Variants in GOLGA8S observed in about 807,000 individuals in gnomAD.
The protein encoded by GOLGA8S is golgin A8 family member S.
In GOLGA8S, 23 loss-of-function variants were observed where a neutral mutation model predicts 58.9. That is an observed-to-expected ratio of 0.39 (90% CI 0.28 to 0.55). GOLGA8S has a LOEUF of 0.55. GOLGA8S is among the 20% of genes least tolerant of loss of function. GOLGA8S has a pLI of 0.63. For missense variants in GOLGA8S, 266 were observed against 514.2 expected (o/e 0.52, Z 4.67); for synonymous variants, 84 against 195.7 (o/e 0.43, Z 4.76).
chr15:23,368,330 T>A (rs1339378120), downstream of GOLGA8S, among the ~76,000 whole-genome samples: 1 of 151,904 alleles, frequency 6.6e-6, no homozygotes, highest in Non-Finnish European at 1.5e-5. Flanking sequence ...AAGTGTTGTT[T>A]TTGCCTTAAA....
chr15:23,361,371 G>A (rs760243431), exon 12 of GOLGA8S: 3 of 1,125,372 alleles, frequency 2.7e-6, no homozygotes, highest in East Asian at 2.3e-5. Flanking sequence ...CAAAAGGAGA[G>A]GCTTCGGGAG....
chr15:23,358,027 G>T (rs1463562511), intron 4 of GOLGA8S, among the ~76,000 whole-genome samples: 1 of 150,606 alleles, frequency 6.6e-6, no homozygotes. Flanking sequence ...GTTAGCTCTC[G>T]AGTCTGAGAT....
downstream of GOLGA8S, among the ~76,000 whole-genome samples, chr15:23,368,096 T>C (rs1223412759): frequency 1.3e-5 from 2 of 151,976 alleles, no homozygotes; most frequent in Non-Finnish European, 2.9e-5. Context: ...ATATGAATAC[T>C]ATAGTATAAA....
rs2069804045 is a variant in GOLGA8S at position 23,361,545 on chromosome 15, C to G, written c.1110+89C>G. ...CTATAAAATGGGGCAGTGTAGCCCT[C>G]AAGTGAAATGTTACTCCTAAAGGCA... On this transcript the variant is annotated intron_variant, in intron 12 of 18. Transcript: ENST00000562295. The G allele has an allele frequency of 5.9e-6, 4 of 673,888 alleles. 1 individual carries two copies. Among genetic ancestry groups the G allele is most frequent in the Admixed American group, 4.4e-5 (2 of 45,722 alleles). The allele number at this position is 673,888 out of a possible 1,614,324, so 41.7% of individuals were successfully genotyped here.
rs554194989 is a variant in GOLGA8S at position 23,364,680 on chromosome 15, G to C, written c.1547-39G>C. On this transcript the variant is annotated intron_variant, in intron 17 of 18. Transcript: ENST00000562295. ...GGTGGGGGTGGGTGTGAGGGTGGGCGCAGGCAGCGGCATGGCAGCTGAGCA... is the reference window on the plus strand; with the variant it reads ...GGTGGGGGTGGGTGTGAGGGTGGGCCCAGGCAGCGGCATGGCAGCTGAGCA... 6.0e-6 allele frequency: 9 copies of C among 1,493,196 alleles called. 2 individuals carry two copies. In the South Asian group the frequency reaches 1.1e-4, roughly 18 times the overall value. 92.5% of individuals were successfully genotyped at this position (1,493,196 alleles called of 1,614,324 possible).
Position 23,363,781 on chromosome 15 carries a change from T to TC in GOLGA8S, c.1347+17dup, listed in dbSNP as rs568717037. ...GCAGGGAGGCCATGGTGAGCCTGAC[T>TC]CCCCCTGCACCCATTTTGCCACCTT... On this transcript the variant is annotated intron_variant, in intron 15 of 18. Transcript: ENST00000562295. The TC allele has an allele frequency of 7.5e-3, 4,388 of 584,564 alleles. 876 individuals are homozygous for TC. Among genetic ancestry groups the TC allele is most frequent in the South Asian group, 0.016 (813 of 52,088 alleles). The allele number at this position is 584,564 out of a possible 1,614,324, so 36.2% of individuals were successfully genotyped here.
chr15:23,364,414 C>T (rs765749150), exon 16 of GOLGA8S: 2 of 1,604,732 alleles, frequency 1.2e-6, no homozygotes, highest in Admixed American at 3.3e-5. Flanking sequence ...AACTTCGCTT[C>T]ATTCAATACT....
In GOLGA8S at chr15:23,359,635, G is replaced by A. The variant is rs945439140; in HGVS notation, c.591+426G>A. The stretch of plus-strand genomic sequence containing the variant: ...CAAGTGTTCATAAAAACTCAGGAGA[G>A]AGCAACAGGGTGGCTGGGAGATACT... On this transcript the variant is annotated intron_variant, in intron 8 of 18. Coordinates refer to ENST00000562295, the Ensembl canonical transcript of GOLGA8S. Among the ~76,000 whole-genome samples, 2 of 143,828 alleles carry A rather than the reference G, an allele frequency of 1.4e-5. 1 individual carries two copies. The highest frequency in any genetic ancestry group is 5.2e-5 in the African/African-American group (2 of 38,246). The allele number at this position is 143,828 out of a possible 152,430, so 94.4% of individuals were successfully genotyped here.
exon 11 of GOLGA8S, chr15:23,360,748 G>C (rs1286173977): frequency 2.6e-6 from 3 of 1,151,932 alleles, no homozygotes; most frequent in Non-Finnish European, 3.9e-6. Flanking sequence ...TGAAGAAGGA[G>C]AAGAAGCATG....
At chr15:23,359,294 A>T in intron 8 of GOLGA8S, 85 bp downstream of exon 8, 1 of 669,646 alleles carries the variant, frequency 1.5e-6, no homozygotes, top group Non-Finnish European at 2.7e-6. Context: ...TGCAGGATGG[A>T]GTGTCCTGCC....
intron 15 of GOLGA8S, among the ~76,000 whole-genome samples, 163 bp from the exon 16 acceptor site, chr15:23,364,180 G>C (rs1308333084): frequency 6.9e-6 from 1 of 144,040 alleles, no homozygotes; most frequent in African/African-American, 2.5e-5. Context: ...TGGAGCCCCA[G>C]GGCCTGGGGG....
intron 15 of GOLGA8S, among the ~76,000 whole-genome samples, chr15:23,364,120 G>A (rs1567269908): frequency 7.3e-6 from 1 of 137,214 alleles, no homozygotes; most frequent in Admixed American, 7.8e-5. Context: ...CCAGCGCCTG[G>A]CTCACCTGGT....
intron 4 of GOLGA8S, among the ~76,000 whole-genome samples, chr15:23,358,116 A>G (rs146090955): frequency 0.059 from 8,953 of 151,584 alleles, 108 homozygotes; most frequent in Non-Finnish European, 0.086. Context: ...TCTGTGAAGA[A>G]CCGTACTTGG....
chr15:23,356,271 C>T (rs1178650411), intron 1 of GOLGA8S, among the ~76,000 whole-genome samples: 1 of 144,858 alleles, frequency 6.9e-6, no homozygotes, highest in Non-Finnish European at 1.6e-5. Context: ...CATACAGTTC[C>T]TGCCTACTTA....
At chr15:23,357,592 T>A (rs1229475065) in exon 4 of GOLGA8S, 1 of 1,026,502 alleles carries the variant, frequency 9.7e-7, no homozygotes, top group Non-Finnish European at 1.5e-6. Flanking sequence ...TAAAAGTCAG[T>A]CAACTGAAGA....
chr15:23,365,475 T>C, downstream of GOLGA8S: 1 of 408,600 alleles, frequency 2.4e-6, no homozygotes, highest in Admixed American at 4.1e-5. Context: ...TGGTTTGGAA[T>C]AGGCTGCCAT....
rs927610941 is a variant in GOLGA8S, at chr15:23,360,891, G to A, written c.874+76G>A. On this transcript the variant is annotated intron_variant, in intron 11 of 18. Coordinates refer to ENST00000562295, the Ensembl canonical transcript of GOLGA8S. ...TGAGGGTGGCTTGGAGTGCCCCAGC[G>A]AGGTGGGTGGATGGAAGGGCTTTGA... is the stretch of plus-strand genomic sequence containing the variant. The A allele has an allele frequency of 2.5e-4, 220 of 888,692 alleles. 7 individuals carry two copies. The highest frequency in any genetic ancestry group is 2.9e-4 in the Non-Finnish European group (153 of 521,930). 55.1% of individuals were successfully genotyped at this position (888,692 alleles called of 1,614,324 possible).
chr15:23,359,410 A>C (rs644448), intron 8 of GOLGA8S, among the ~76,000 whole-genome samples: 24,316 of 140,702 alleles, frequency 0.17, 3,133 homozygotes, highest in Middle Eastern at 0.24. Context: ...TCTGGGGACA[A>C]AGCACAGGAC....
downstream of GOLGA8S, chr15:23,365,726 G>C (rs1020012182): frequency 5.7e-6 from 1 of 174,282 alleles, no homozygotes; most frequent in Admixed American, 5.5e-5. Context: ...CTGTGTATTG[G>C]TGATGGGAGT....
Sources: allele counts gnomAD v4.1 joint callset (sites outside exome capture counted in the v4.1 genomes callset), GRCh38; gene constraint gnomAD v4.1.1; transcripts MANE v1.5; gene names NCBI Gene and HGNC (gene_info 2026-07-23, HGNC 2026-07-21).